The following PCDHA11 variants were observed in gnomAD, a reference collection of about 807,000 sequenced individuals.
The protein encoded by PCDHA11 is protocadherin alpha 11.
In PCDHA11, 61 loss-of-function variants were observed where a neutral mutation model predicts 70.3. That is an observed-to-expected ratio of 0.87 (90% CI 0.71 to 1.07). The LOEUF is 1.07. PCDHA11 is among the 50% of genes least tolerant of loss of function. The probability of loss-of-function intolerance (pLI) is 0.00; values close to 1 mark genes in which losing one functional copy is unlikely to be tolerated. For missense variants in PCDHA11, 1,324 were observed against 1,237.5 expected (o/e 1.07, Z -1.05); for synonymous variants, 633 against 555.1 (o/e 1.14, Z -1.97).
intron 1 of PCDHA11, among the ~76,000 whole-genome samples, chr5:140,913,069 C>G (rs1249708459): frequency 9.2e-5 from 14 of 152,006 alleles, no homozygotes; most frequent in Non-Finnish European, 1.5e-4. Flanking sequence ...TTTGATGTGT[C>G]ATTGTTTGGT....
intron 1 of PCDHA11, chr5:140,928,010 G>A: frequency 1.2e-6 from 2 of 1,614,168 alleles, no homozygotes; most frequent in Non-Finnish European, 1.7e-6. Context: ...GATTCTAATG[G>A]TAGGGTCATT....
chr5:140,876,976 C>A (rs782283591), intron 1 of PCDHA11: 2 of 1,612,586 alleles, frequency 1.2e-6, no homozygotes, highest in Admixed American at 1.7e-5. Context: ...GGTGGGCGAG[C>A]ACGCACTGTC....
chr5:140,924,274 T>C (rs904028474), intron 1 of PCDHA11, among the ~76,000 whole-genome samples: 1 of 152,232 alleles, frequency 6.6e-6, no homozygotes, highest in East Asian at 1.9e-4. Flanking sequence ...TCTGTACTTG[T>C]GACTACCTAA....
At chr5:140,982,127 C>G (rs1367393953) in intron 2 of PCDHA11, among the ~76,000 whole-genome samples, 1 of 152,244 alleles carries the variant, frequency 6.6e-6, no homozygotes, top group Non-Finnish European at 1.5e-5. Flanking sequence ...CTTTTGAGAA[C>G]AAGCCCTCCT....
At position 141,011,317 on chromosome 5, in the gene PCDHA11, T is replaced by C. The variant is rs1554263417; in HGVS notation, c.*1380T>C. On this transcript the variant is annotated 3_prime_UTR_variant, in exon 4 of 4. Transcript: ENST00000398640. ...TAACACTCTGAATTGCTAATCTTAC[T>C]AACACCTATGATGTTACCTGAAATC... 1 of 153,818 alleles carries C rather than the reference T, an allele frequency of 6.5e-6. No homozygotes were observed. The highest frequency in any genetic ancestry group is 2.4e-5 in the African/African-American group (1 of 41,470). 9.5% of individuals were successfully genotyped at this position (153,818 alleles called of 1,614,324 possible).
intron 1 of PCDHA11, among the ~76,000 whole-genome samples, chr5:140,885,719 T>C (rs1304075284): frequency 6.6e-6 from 1 of 152,210 alleles, no homozygotes; most frequent in Non-Finnish European, 1.5e-5. Flanking sequence ...TAATGTGATC[T>C]CTGTGAAATG....
intron 1 of PCDHA11, among the ~76,000 whole-genome samples, chr5:140,896,950 C>A (rs996950218): frequency 6.6e-6 from 1 of 152,106 alleles, no homozygotes; most frequent in Non-Finnish European, 1.5e-5. Context: ...TGGCCATTCC[C>A]TTAAACATTT....
rs369212308 is a variant in PCDHA11, at chr5:140,870,745, G to C, written c.1642G>C (p.Val548Leu). The change falls in exon 1 of 4, where the codon GTG (valine) becomes CTG (leucine). Residue 548 changes from valine to leucine, a missense_variant. Transcript: ENST00000398640. ...DAGVPPLSSN[V>L]TLQVFVLDEN... is the part of the protein sequence containing the mutation. ...GGGCGTGCCGCCTCTGAGCAGCAAC[G>C]TGACGCTGCAGGTGTTCGTGCTGGA... 1.9e-6 allele frequency: 3 copies of C among 1,613,530 alleles called. No individual in the cohort carries two copies. The highest frequency in any genetic ancestry group is 2.5e-6 in the Non-Finnish European group (3 of 1,179,902).
Position 140,869,682 on chromosome 5 carries a change from A to AGG in PCDHA11, c.579_580insGG (p.Leu194GlyfsTer4). ...ATGGTAAGCAGATTAAAAGACTGTC[A>AGG]CTTATTTTAAAGAAGTCTCTGGATA... On this transcript the variant is annotated frameshift_variant, in exon 1 of 4. Coordinates refer to ENST00000398640, the MANE Select transcript of PCDHA11 (RefSeq NM_018902.5). LOFTEE classifies it high-confidence loss of function. The AGG allele has an allele frequency of 1.9e-6, 3 of 1,613,466 alleles. No individual in the cohort carries two copies. Among genetic ancestry groups the AGG allele is most frequent in the Non-Finnish European group, 2.5e-6 (3 of 1,179,880 alleles).
intron 1 of PCDHA11, among the ~76,000 whole-genome samples, chr5:140,916,967 G>A (rs1215722713): frequency 2.6e-5 from 4 of 152,194 alleles, no homozygotes; most frequent in African/African-American, 9.7e-5. Context: ...TGACTGCTGG[G>A]ATGAGTGATT....
chr5:140,923,313 C>T (rs1428494241), intron 1 of PCDHA11, among the ~76,000 whole-genome samples: 1 of 152,074 alleles, frequency 6.6e-6, no homozygotes, highest in African/African-American at 2.4e-5. Flanking sequence ...GGGCGCTTGG[C>T]CTAGAAGTTC....
intron 1 of PCDHA11, chr5:140,968,800 A>G: frequency 6.2e-7 from 1 of 1,614,238 alleles, no homozygotes; most frequent in Non-Finnish European, 8.5e-7. Context: ...CCATTACAGT[A>G]GCTGTGGTGG....
At chr5:140,935,144 A>G (rs1289868558) in intron 1 of PCDHA11, among the ~76,000 whole-genome samples, 1 of 152,184 alleles carries the variant, frequency 6.6e-6, no homozygotes, top group Admixed American at 6.5e-5. Context: ...TGATACTTAG[A>G]GATATAATCT....
chr5:140,911,979 A>G (rs1583809781), intron 1 of PCDHA11, among the ~76,000 whole-genome samples: 2 of 152,328 alleles, frequency 1.3e-5, no homozygotes, highest in African/African-American at 4.8e-5. Flanking sequence ...AACTCACATG[A>G]TCACAAGGTC....
chr5:140,927,933 C>G (rs1273187123), intron 1 of PCDHA11: 2 of 1,614,208 alleles, frequency 1.2e-6, no homozygotes, highest in East Asian at 4.5e-5. Context: ...CTCTTTCGAA[C>G]CCAGTACCTG....
At chr5:140,998,853 T>G (rs575455675) in intron 3 of PCDHA11, among the ~76,000 whole-genome samples, 1 of 152,346 alleles carries the variant, frequency 6.6e-6, no homozygotes, top group South Asian at 2.1e-4. Flanking sequence ...GTGAGCCACA[T>G]GCCTGGCCTT....
chr5:140,981,685 C>G lies in PCDHA11; in HGVS notation c.2451-790C>G, dbSNP rs369964011. 6.6e-4 allele frequency among the ~76,000 whole-genome samples: 101 copies of G among 152,166 alleles called. No individual in the cohort carries two copies. In the South Asian group the frequency reaches 0.018, roughly 27 times the overall value. ...TCCTTCCTTTCTTCCTTCCTCCCTT[C>G]CATCATTCATTCATTCATTCATTCA... On this transcript the variant is annotated intron_variant, in intron 2 of 3. Transcript: ENST00000398640.
At position 140,869,997 on chromosome 5, in the gene PCDHA11, T is replaced by C. The variant is rs782075585; in HGVS notation, c.894T>C (p.Asn298=). The C allele has an allele frequency of 1.4e-5, 23 of 1,613,172 alleles. No individual in the cohort carries two copies. The highest frequency in any genetic ancestry group is 2.5e-6 in the Non-Finnish European group (3 of 1,179,762). ...ACTTATTTACACTAGATCAAAATAA[T>C]GGAGAAGTGAGGGTCAATGGAACTT... ...GRHLFTLDQN[N]GEVRVNGTLD... is the part of the protein sequence containing the mutation. The change falls in exon 1 of 4, where the codon AAT becomes AAC. Residue 298 remains asparagine (N), a synonymous_variant. Coordinates refer to ENST00000398640, the MANE Select transcript of PCDHA11 (RefSeq NM_018902.5).
At chr5:141,000,595 T>G (rs1438785385) in intron 3 of PCDHA11, among the ~76,000 whole-genome samples, 1 of 150,924 alleles carries the variant, frequency 6.6e-6, no homozygotes, top group African/African-American at 2.4e-5. Context: ...GCCCAGCTAA[T>G]TTTTGTATTT....
Sources: gnomAD v4.1 joint callset for allele counts (sites outside exome capture counted in the v4.1 genomes callset) on GRCh38, gnomAD v4.1.1 for gene constraint, MANE v1.5 for transcripts, NCBI Gene and HGNC (gene_info 2026-07-23, HGNC 2026-07-21) for gene names.